FOXP1: variants seen among roughly 807,000 people sequenced by gnomAD.
FOXP1 encodes the protein forkhead box P1, also known as forkhead box protein P1.
FOXP1 carries 15 observed loss-of-function variants against 98.2 expected under a neutral mutation model. The ratio of observed to expected loss-of-function variants is 0.15; its 90% CI spans 0.10 to 0.24. The LOEUF (loss-of-function observed/expected upper bound fraction) is 0.24, where lower values mean the gene tolerates loss of function less well. Among genes scored for constraint, FOXP1 ranks in the 10% least tolerant of loss-of-function variants. The pLI is 1.00. For missense variants in FOXP1, 633 were observed against 848.5 expected, an observed-to-expected ratio of 0.75 and a Z score of 3.15; for synonymous variants, 371 against 314.5, an observed-to-expected ratio of 1.18 and a Z score of -1.90.
intron 5 of FOXP1, among the ~76,000 whole-genome samples, chr3:71,214,221 C>G (rs1224030468): frequency 6.6e-6 from 1 of 152,220 alleles, no homozygotes; most frequent in East Asian, 1.9e-4. Flanking sequence ...AAATAAGCAC[C>G]TAGACCTTGG....
At chr3:70,964,821 A>G (rs1240366776) in intron 20 of FOXP1, among the ~76,000 whole-genome samples, 1 of 152,226 alleles carries the variant, frequency 6.6e-6, no homozygotes, top group Non-Finnish European at 1.5e-5. Flanking sequence ...ATGCTAGAAA[A>G]TCAAATTTCA....
At chr3:71,165,545 T>C (rs1170930664) in intron 6 of FOXP1, among the ~76,000 whole-genome samples, 1 of 152,200 alleles carries the variant, frequency 6.6e-6, no homozygotes, top group Non-Finnish European at 1.5e-5. Flanking sequence ...TTAACTAATG[T>C]ATACCTTCCT....
rs1347753258 is a variant in FOXP1, at chr3:71,406,405, G to GTGTATATATATATATATATATA, written c.-167-47162_-167-47161insTATATATATATATATATATACA. Among the ~76,000 whole-genome samples, 22 of 105,994 alleles carry GTGTATATATATATATATATATA rather than the reference G, an allele frequency of 2.1e-4. 2 individuals carry two copies. The highest frequency in any genetic ancestry group is 3.8e-4 in the Non-Finnish European group (17 of 44,946). 69.5% of individuals were successfully genotyped at this position (105,994 alleles called of 152,430 possible). On this transcript the variant is annotated intron_variant, in intron 3 of 20. Coordinates refer to ENST00000649528, the MANE Select transcript of FOXP1 (RefSeq NM_001349338.3). ...TAATTGACACATAATAACTGTATGT[G>GTGTATATATATATATATATATA]TATATATATATATATATATGGTACA...
chr3:71,309,600 CT>C (rs1483708215), intron 4 of FOXP1, among the ~76,000 whole-genome samples: 10 of 152,170 alleles, frequency 6.6e-5, no homozygotes, highest in African/African-American at 2.2e-4. Context: ...TCCCCACCCC[CT>C]GAGCCAACCC....
chr3:71,368,024 G>C (rs1443255175), intron 3 of FOXP1, among the ~76,000 whole-genome samples: 1 of 152,234 alleles, frequency 6.6e-6, no homozygotes, highest in Non-Finnish European at 1.5e-5. Context: ...GATGACATAA[G>C]GACTGCATGC....
chr3:71,381,083 T>C (rs1319023094), intron 3 of FOXP1, among the ~76,000 whole-genome samples: 1 of 152,118 alleles, frequency 6.6e-6, no homozygotes, highest in African/African-American at 2.4e-5. Context: ...CGTCCCTTCT[T>C]ACCTTCTTAG....
At chr3:71,198,471 A>C in intron 5 of FOXP1, 79 bp from the exon 6 acceptor site, 4 of 1,253,146 alleles carry the variant, frequency 3.2e-6, no homozygotes, top group East Asian at 2.3e-5. Context: ...TGTTGTGCAT[A>C]AGGAGAAGGG....
intron 6 of FOXP1, among the ~76,000 whole-genome samples, chr3:71,116,681 A>G (rs2058396020): frequency 6.6e-6 from 1 of 152,212 alleles, no homozygotes; most frequent in Non-Finnish European, 1.5e-5. Context: ...GAGTTTTAAA[A>G]CCTAACTGAA....
chr3:71,460,814 C>G (rs936789741), intron 3 of FOXP1, among the ~76,000 whole-genome samples: 3 of 152,196 alleles, frequency 2.0e-5, no homozygotes, highest in Non-Finnish European at 2.9e-5. Context: ...GAGAATTCAT[C>G]ATTCTGAGTG....
At chr3:71,097,241 C>G (rs888084952) in intron 7 of FOXP1, among the ~76,000 whole-genome samples, 3 of 152,034 alleles carry the variant, frequency 2.0e-5, no homozygotes, top group Admixed American at 6.6e-5. Flanking sequence ...CAGGGAAAAA[C>G]AAAAGAAGAA....
chr3:71,352,828 C>T (rs2077889289), intron 4 of FOXP1, among the ~76,000 whole-genome samples: 1 of 152,158 alleles, frequency 6.6e-6, no homozygotes, highest in Non-Finnish European at 1.5e-5. Context: ...CCTCTCCCTA[C>T]TTTTTAAGCA....
intron 3 of FOXP1, among the ~76,000 whole-genome samples, chr3:71,468,343 C>T (rs143326699): frequency 2.0e-5 from 3 of 152,254 alleles, no homozygotes; most frequent in Non-Finnish European, 4.4e-5. Context: ...GCCTGATTGA[C>T]GTGAAGGTGA....
At chr3:71,407,736 G>A (rs769831601) in intron 3 of FOXP1, among the ~76,000 whole-genome samples, 3 of 151,616 alleles carry the variant, frequency 2.0e-5, no homozygotes, top group Non-Finnish European at 4.4e-5. Flanking sequence ...TCCTGCTGGC[G>A]GATCATAAAC....
chr3:71,115,410 C>T (rs1455925665), intron 6 of FOXP1, among the ~76,000 whole-genome samples: 2 of 151,756 alleles, frequency 1.3e-5, no homozygotes, highest in African/African-American at 2.4e-5. Context: ...AATCTCAGCT[C>T]GCTGCAACCT....
intron 7 of FOXP1, among the ~76,000 whole-genome samples, chr3:71,099,499 G>A (rs992145154): frequency 2.0e-5 from 3 of 152,056 alleles, no homozygotes; most frequent in African/African-American, 7.3e-5. Flanking sequence ...GCGACAGATC[G>A]AGACTCCATC....
Position 71,091,488 on chromosome 3 carries a change from TCAAAACAAAA to T in FOXP1, c.282+21038_282+21047del, listed in dbSNP as rs3064143. On this transcript the variant is annotated intron_variant, in intron 7 of 20. Transcript: ENST00000649528. ...CTGGGTGACAGAGCAAGACTCCGTC[TCAAAACAAAA>T]CAAAACAAAACAAAACAAAACAAAC... is the stretch of plus-strand genomic sequence containing the variant. 3.7e-3 allele frequency among the ~76,000 whole-genome samples: 555 copies of T among 150,118 alleles called. 5 individuals carry two copies. Among genetic ancestry groups the T allele is most frequent in the East Asian group, 0.024 (124 of 5,090 alleles).
At chr3:71,214,853 T>G in intron 5 of FOXP1, among the ~76,000 whole-genome samples, 1 of 152,162 alleles carries the variant, frequency 6.6e-6, no homozygotes, top group Non-Finnish European at 1.5e-5. Context: ...CAGAGGAGAC[T>G]AGTACAAGGG....
At chr3:71,331,506 C>A (rs551766687) in intron 4 of FOXP1, among the ~76,000 whole-genome samples, 14 of 152,372 alleles carry the variant, frequency 9.2e-5, no homozygotes, top group Admixed American at 7.2e-4. Flanking sequence ...GACTGGCACG[C>A]AGCTCCACCT....
At chr3:71,336,010 C>CAAAAA (rs60051890) in intron 4 of FOXP1, among the ~76,000 whole-genome samples, 12 of 34,094 alleles carry the variant, frequency 3.5e-4, no homozygotes, top group African/African-American at 1.3e-3. Flanking sequence ...AACTCCATCT[C>CAAAAA]AAAAAAAAAA....
Sources: gnomAD v4.1 joint callset for allele counts (sites outside exome capture counted in the v4.1 genomes callset) on GRCh38, gnomAD v4.1.1 for gene constraint, MANE v1.5 for transcripts, NCBI Gene and HGNC (gene_info 2026-07-23, HGNC 2026-07-21) for gene names.